Variants in IMMP2L observed in about 807,000 individuals in gnomAD.
IMMP2L encodes inner mitochondrial membrane peptidase subunit 2, also known as mitochondrial inner membrane protease subunit 2.
IMMP2L carries 18 observed loss-of-function variants against 19.3 expected under a neutral mutation model. The observed-to-expected ratio is 0.93, with a 90% CI of 0.64 to 1.38. The LOEUF (loss-of-function observed/expected upper bound fraction) is 1.38, where lower values mean the gene tolerates loss of function less well. Among genes scored for constraint, IMMP2L ranks in the 40% most tolerant of loss-of-function variants. IMMP2L has a pLI of 0.00. For missense variants in IMMP2L, 233 were observed against 218.2 expected (o/e 1.07, Z -0.43); for synonymous variants, 76 against 73.0 (o/e 1.04, Z -0.21).
intron 1 of IMMP2L, among the ~76,000 whole-genome samples, chr7:111,541,137 C>T (rs1024696539): frequency 2.6e-5 from 4 of 152,154 alleles, no homozygotes; most frequent in Non-Finnish European, 5.9e-5. Flanking sequence ...ATGATTCTAA[C>T]TTCAGGCCTT....
intron 4 of IMMP2L, among the ~76,000 whole-genome samples, chr7:110,896,253 C>G (rs1477611716): frequency 1.3e-5 from 2 of 151,994 alleles, no homozygotes; most frequent in African/African-American, 4.8e-5. Context: ...AAAGATAACT[C>G]CACACTGTAA....
intron 3 of IMMP2L, among the ~76,000 whole-genome samples, chr7:111,161,541 T>TA (rs1172317245): frequency 2.0e-5 from 3 of 151,784 alleles, no homozygotes; most frequent in Non-Finnish European, 2.9e-5. Flanking sequence ...CAGTTATGGT[T>TA]AAAAAAATAG....
chr7:110,938,780 G>T (rs1435541349), intron 4 of IMMP2L, among the ~76,000 whole-genome samples: 3 of 151,968 alleles, frequency 2.0e-5, no homozygotes, highest in African/African-American at 4.8e-5. Flanking sequence ...CACCTAAGGG[G>T]AAGAATATCG....
chr7:111,271,284 T>G (rs779660061), intron 3 of IMMP2L, among the ~76,000 whole-genome samples: 4 of 152,162 alleles, frequency 2.6e-5, no homozygotes, highest in Non-Finnish European at 5.9e-5. Context: ...CAATTAAACC[T>G]CTTCCTTTAT....
At chr7:110,937,974 CCT>C (rs1387281621) in intron 4 of IMMP2L, among the ~76,000 whole-genome samples, 1 of 152,090 alleles carries the variant, frequency 6.6e-6, no homozygotes, top group Admixed American at 6.5e-5. Flanking sequence ...GCCTCTGTTC[CCT>C]GAGTGGCCTT....
At chr7:111,222,179 C>T (rs536659500) in intron 3 of IMMP2L, among the ~76,000 whole-genome samples, 7 of 151,496 alleles carry the variant, frequency 4.6e-5, no homozygotes, top group African/African-American at 9.7e-5. Flanking sequence ...GGTATAATGC[C>T]GCCTCTAATT....
intron 3 of IMMP2L, among the ~76,000 whole-genome samples, chr7:111,243,022 TC>T (rs1473333240): frequency 6.6e-6 from 1 of 152,098 alleles, no homozygotes; most frequent in Non-Finnish European, 1.5e-5. Flanking sequence ...ATCACAAATC[TC>T]TTTTTGTGCA....
intron 1 of IMMP2L, among the ~76,000 whole-genome samples, chr7:111,547,937 G>C (rs955421175): frequency 6.6e-6 from 1 of 151,950 alleles, no homozygotes; most frequent in African/African-American, 2.4e-5. Context: ...GTTCACACTG[G>C]TCTCAAACTC....
intron 5 of IMMP2L, among the ~76,000 whole-genome samples, chr7:110,736,895 T>C (rs537528874): frequency 6.6e-6 from 1 of 152,148 alleles, no homozygotes; most frequent in Non-Finnish European, 1.5e-5. Context: ...GAGTTGGTGC[T>C]GAAATAAGTC....
chr7:110,667,399 T>C (rs1791540171), intron 5 of IMMP2L, among the ~76,000 whole-genome samples: 1 of 152,312 alleles, frequency 6.6e-6, no homozygotes, highest in South Asian at 2.1e-4. Flanking sequence ...TGGCAAAAGA[T>C]GTCCACATCT....
At chr7:111,394,707 C>A (rs903287566) in intron 3 of IMMP2L, among the ~76,000 whole-genome samples, 3 of 152,072 alleles carry the variant, frequency 2.0e-5, no homozygotes, top group Admixed American at 6.6e-5. Flanking sequence ...CACTAGCTAC[C>A]AAATCAAAAA....
intron 3 of IMMP2L, among the ~76,000 whole-genome samples, chr7:111,019,662 A>G (rs1400554468): frequency 1.3e-5 from 2 of 152,218 alleles, no homozygotes; most frequent in Non-Finnish European, 2.9e-5. Context: ...CACAAAAGAA[A>G]GTCAGACTCC....
chr7:111,552,954 A>G (rs1790844940), intron 1 of IMMP2L, among the ~76,000 whole-genome samples: 2 of 152,084 alleles, frequency 1.3e-5, no homozygotes, highest in African/African-American at 4.8e-5. Flanking sequence ...GCCAACACCA[A>G]CTGGCCAGCC....
intron 5 of IMMP2L, among the ~76,000 whole-genome samples, chr7:110,843,426 C>T (rs1805310233): frequency 6.6e-6 from 1 of 151,946 alleles, no homozygotes; most frequent in Non-Finnish European, 1.5e-5. Context: ...AAGTAGTATA[C>T]TTACTAGATA....
rs1192832247 is a variant in IMMP2L at position 111,088,004 on chromosome 7, G to C, written c.240-124439C>G. ...CCAAGATGCACGATGATACTTAACA[G>C]AGATGATACTTAACATGATGCTCAG... On this transcript the variant is annotated intron_variant, in intron 3 of 5. Transcript: ENST00000405709. Among the ~76,000 whole-genome samples the C allele has an allele frequency of 4.6e-5, 7 of 152,250 alleles. No homozygotes were observed. The South Asian group carries it at 8.3e-4, about 18-fold the overall frequency.
chr7:110,702,189 C>A (rs1265490902), intron 5 of IMMP2L, among the ~76,000 whole-genome samples: 3 of 152,004 alleles, frequency 2.0e-5, no homozygotes, highest in Non-Finnish European at 2.9e-5. Flanking sequence ...CCTGCTTAGG[C>A]CTCCCAAAGT....
At chr7:111,042,492 A>AT (rs1233602008) in intron 3 of IMMP2L, among the ~76,000 whole-genome samples, 3 of 152,128 alleles carry the variant, frequency 2.0e-5, no homozygotes, top group African/African-American at 7.2e-5. Flanking sequence ...CCATTTAAAG[A>AT]TTTTATCTTG....
At chr7:110,926,029 A>T (rs976330412) in intron 4 of IMMP2L, among the ~76,000 whole-genome samples, 4 of 152,012 alleles carry the variant, frequency 2.6e-5, no homozygotes, top group African/African-American at 9.7e-5. Context: ...TAATGATGAA[A>T]AGTCAATTAA....
At chr7:111,198,886 A>C (rs1809794220) in intron 3 of IMMP2L, among the ~76,000 whole-genome samples, 1 of 152,162 alleles carries the variant, frequency 6.6e-6, no homozygotes, top group Admixed American at 6.5e-5. Flanking sequence ...TATTTACCAA[A>C]AACTACCAAT....
Sources: gnomAD v4.1 joint callset for allele counts (sites outside exome capture counted in the v4.1 genomes callset) on GRCh38, gnomAD v4.1.1 for gene constraint, MANE v1.5 for transcripts, NCBI Gene and HGNC (gene_info 2026-07-23, HGNC 2026-07-21) for gene names.